The following CLEC16A variants were observed in gnomAD, a reference collection of about 807,000 sequenced individuals.
The protein encoded by CLEC16A is C-type lectin domain containing 16A.
A neutral mutation model predicts 109.5 loss-of-function variants in CLEC16A; 51 were observed. The ratio of observed to expected loss-of-function variants is 0.47; its 90% CI spans 0.37 to 0.59. The LOEUF (loss-of-function observed/expected upper bound fraction) is 0.59. Ranked by LOEUF, CLEC16A falls within the 20% of genes least tolerant of loss-of-function variation. CLEC16A has a pLI of 0.00. For synonymous variants in CLEC16A, 673 were observed against 564.2 expected, an observed-to-expected ratio of 1.19 and a Z score of -2.73; for missense variants, 1,339 against 1,394.0, an observed-to-expected ratio of 0.96 and a Z score of 0.63.
intron 11 of CLEC16A, 22 bp from the exon 12 acceptor site, chr16:11,020,171 C>T (rs199544900): frequency 3.7e-6 from 6 of 1,601,588 alleles, no homozygotes; most frequent in Non-Finnish European, 5.1e-6. Context: ...GGACTCATCC[C>T]AGTCTCCATT....
chr16:11,012,668 G>T (rs2045506196), intron 11 of CLEC16A, among the ~76,000 whole-genome samples: 1 of 151,210 alleles, frequency 6.6e-6, no homozygotes, highest in Non-Finnish European at 1.5e-5. Context: ...CCGATTTTTG[G>T]TGAATTAATG....
Position 11,178,203 on chromosome 16 carries a change from T to A in CLEC16A, c.2807-132T>A, listed in dbSNP as rs959322955. ...CCAAAAGGAGTGAGTGGAGCCACGCTGAGCCCTCACGCCAGCCAGCCACCT... is the reference window on the plus strand; with the variant it reads ...CCAAAAGGAGTGAGTGGAGCCACGCAGAGCCCTCACGCCAGCCAGCCACCT... On this transcript the variant is annotated intron_variant, in intron 23 of 23. Coordinates refer to ENST00000409790, the MANE Select transcript of CLEC16A (RefSeq NM_015226.3). The surrounding 1 kb of genome is among the most constrained non-coding windows in gnomAD (Gnocchi z 6.5). The A allele has an allele frequency of 1.3e-6, 1 of 742,596 alleles. No homozygotes were observed. Among genetic ancestry groups the A allele is most frequent in the Non-Finnish European group, 2.3e-6 (1 of 443,590 alleles). The allele number at this position is 742,596 out of a possible 1,614,324, so 46.0% of individuals were successfully genotyped here. A position where few individuals can be genotyped will look rare whatever the true frequency, so the allele number is the denominator to read the frequency against.
chr16:11,126,544 G>C (rs1275781952), intron 22 of CLEC16A: 2 of 614,544 alleles, frequency 3.3e-6, no homozygotes, highest in African/African-American at 3.8e-5. Flanking sequence ...GAAGAAGTGA[G>C]ACTTCAAAAG....
At chr16:11,156,633 C>T (rs1436804371) in intron 22 of CLEC16A, 8 of 1,304,274 alleles carry the variant, frequency 6.1e-6, no homozygotes, top group Non-Finnish European at 7.1e-6. Flanking sequence ...CTTGCTAGTG[C>T]CTTGGCTGAC....
intron 19 of CLEC16A, among the ~76,000 whole-genome samples, chr16:11,110,043 A>G (rs915711180): frequency 6.6e-6 from 1 of 152,202 alleles, no homozygotes; most frequent in Admixed American, 6.5e-5. Context: ...AAATACAGCA[A>G]AAGTCAGTCA....
At chr16:11,115,238 G>A (rs910737087) in intron 19 of CLEC16A, among the ~76,000 whole-genome samples, 5 of 152,180 alleles carry the variant, frequency 3.3e-5, no homozygotes, top group Admixed American at 6.5e-5. Context: ...GTCCTGTGTA[G>A]AGTGAGGAAA....
intron 19 of CLEC16A, among the ~76,000 whole-genome samples, chr16:11,067,480 G>A (rs998629766): frequency 6.6e-6 from 1 of 152,120 alleles, no homozygotes; most frequent in Non-Finnish European, 1.5e-5. Flanking sequence ...ATGGGGATTT[G>A]GGGAAGATGA....
intron 22 of CLEC16A, among the ~76,000 whole-genome samples, chr16:11,129,680 T>C (rs8050875): frequency 0.7 from 107,023 of 151,838 alleles, 39,053 homozygotes; most frequent in African/African-American, 0.89. Context: ...CAGGCTTAGT[T>C]TGTGTGCCGC....
At chr16:11,081,743 G>A (rs78438965) in intron 19 of CLEC16A, among the ~76,000 whole-genome samples, 3,332 of 152,300 alleles carry the variant, frequency 0.022, 77 homozygotes, top group Middle Eastern at 0.14. Flanking sequence ...TTTGAAAGAG[G>A]CCTTTCTCCA....
intron 4 of CLEC16A, among the ~76,000 whole-genome samples, chr16:10,970,687 A>T (rs1025862015): frequency 6.6e-6 from 1 of 152,240 alleles, no homozygotes; most frequent in Non-Finnish European, 1.5e-5. Flanking sequence ...TCTGGGCATG[A>T]GCCACCACTC....
intron 19 of CLEC16A, among the ~76,000 whole-genome samples, chr16:11,109,283 G>C (rs935229758): frequency 6.6e-6 from 1 of 151,614 alleles, no homozygotes; most frequent in African/African-American, 2.4e-5. Context: ...TCCCACCTCA[G>C]CCTGGGACCA....
intron 19 of CLEC16A, among the ~76,000 whole-genome samples, chr16:11,061,975 C>G (rs1195680596): frequency 6.6e-6 from 1 of 152,088 alleles, no homozygotes; most frequent in Non-Finnish European, 1.5e-5. Flanking sequence ...GCTACACAGC[C>G]CTGATGGAAA....
intron 13 of CLEC16A, among the ~76,000 whole-genome samples, chr16:11,035,131 T>A (rs1346286101): frequency 6.6e-6 from 1 of 152,200 alleles, no homozygotes; most frequent in African/African-American, 2.4e-5. Context: ...CATGCAATGA[T>A]TGTTATAGAA....
chr16:11,099,228 C>T (rs920279661), intron 19 of CLEC16A, among the ~76,000 whole-genome samples: 1 of 152,238 alleles, frequency 6.6e-6, no homozygotes, highest in Non-Finnish European at 1.5e-5. Flanking sequence ...CACGGCTCAT[C>T]GGCAGACGTG....
chr16:10,944,645 C>T lies in CLEC16A; in HGVS notation c.-73C>T, dbSNP rs968116123. On this transcript the variant is annotated 5_prime_UTR_variant, in exon 1 of 24. Coordinates refer to ENST00000409790, the MANE Select transcript of CLEC16A (RefSeq NM_015226.3). ...CCGCCGCATCCTCCGCTTGTGCTAC[C>T]GCCGCGGGCGCTGGGCCGCTCTGCT... 1.1e-5 allele frequency: 15 copies of T among 1,425,310 alleles called. No individual in the cohort carries two copies. Among genetic ancestry groups the T allele is most frequent in the African/African-American group, 7.1e-5 (5 of 70,442 alleles). The allele number at this position is 1,425,310 out of a possible 1,614,324, so 88.3% of individuals were successfully genotyped here. A position where few individuals can be genotyped will look rare whatever the true frequency, so the allele number is the denominator to read the frequency against.
At chr16:11,102,938 C>T (rs577094807) in intron 19 of CLEC16A, among the ~76,000 whole-genome samples, 1 of 152,246 alleles carries the variant, frequency 6.6e-6, no homozygotes, top group South Asian at 2.1e-4. Flanking sequence ...GCCGAGGTCC[C>T]ACACTGGTAA....
rs78088149 is a variant in CLEC16A at position 11,105,358 on chromosome 16, A to G, written c.2117-15257A>G. ...CACGTATTGAAGAAGAGGAACAAGG[A>G]GTGAAGCTTTTGCAAGTTGCTCATC... On this transcript the variant is annotated intron_variant, in intron 19 of 23. Coordinates refer to ENST00000409790, the MANE Select transcript of CLEC16A (RefSeq NM_015226.3). Among the ~76,000 whole-genome samples the G allele has an allele frequency of 1.4e-3, 216 of 152,322 alleles. 1 individual carries two copies. Among genetic ancestry groups the G allele is most frequent in the Non-Finnish European group, 2.6e-3 (174 of 68,024 alleles).
At chr16:11,153,901 C>G (rs1227452307) in intron 22 of CLEC16A, among the ~76,000 whole-genome samples, 2 of 152,152 alleles carry the variant, frequency 1.3e-5, no homozygotes, top group Admixed American at 6.5e-5. Flanking sequence ...AGCAACCTAG[C>G]CCATTTGAGA....
Position 11,019,798 on chromosome 16 carries a change from G to A in CLEC16A, c.1304-395G>A, listed in dbSNP as rs564954469. On this transcript the variant is annotated intron_variant, in intron 11 of 23. Transcript: ENST00000409790. ...AAAAAAAAAAAAAAAAATGTAAGGA[G>A]CTTTAGAATGTTGTCAGTGAGGTTG... Among the ~76,000 whole-genome samples, 18 of 151,750 alleles carry A rather than the reference G, an allele frequency of 1.2e-4. No individual in the cohort carries two copies. The East Asian group carries it at 2.1e-3, about 18-fold the overall frequency.
Sources: gnomAD v4.1 joint callset for allele counts (sites outside exome capture counted in the v4.1 genomes callset) on GRCh38, gnomAD v4.1.1 for gene constraint, Gnocchi (gnomAD v3.1) non-coding constraint, MANE v1.5 for transcripts, NCBI Gene and HGNC (gene_info 2026-07-23, HGNC 2026-07-21) for gene names.